The following PARD3B variants were observed in gnomAD, a reference collection of about 807,000 sequenced individuals.
PARD3B encodes partitioning defective 3 homolog B.
Under a neutral mutation model 130.2 loss-of-function variants are expected in PARD3B, and 103 were observed. That is an observed-to-expected ratio of 0.79 (90% CI 0.67 to 0.93). The LOEUF is 0.93. PARD3B is among the 40% of genes least tolerant of loss of function. The pLI, the probability that PARD3B is intolerant of heterozygous loss-of-function variation, is 0.00. For synonymous variants in PARD3B, 583 were observed against 553.2 expected (o/e 1.05, Z -0.76); for missense variants, 1,609 against 1,499.2 (o/e 1.07, Z -1.21).
chr2:205,170,573 G>C (rs1576051250), intron 11 of PARD3B, among the ~76,000 whole-genome samples: 1 of 152,062 alleles, frequency 6.6e-6, no homozygotes, highest in Non-Finnish European at 1.5e-5. Context: ...AGCAGGCGGC[G>C]TGGGCAGTGT....
intron 16 of PARD3B, among the ~76,000 whole-genome samples, chr2:205,261,706 G>A (rs2040319678): frequency 6.6e-6 from 1 of 152,164 alleles, no homozygotes; most frequent in African/African-American, 2.4e-5. Context: ...TCTGTCTAGA[G>A]ATTCTTGTAA....
intron 2 of PARD3B, among the ~76,000 whole-genome samples, chr2:204,940,078 AC>A (rs1214446930): frequency 1.3e-5 from 2 of 152,244 alleles, no homozygotes; most frequent in East Asian, 3.8e-4. Flanking sequence ...AAGAGAGCTT[AC>A]CGGACTCTGG....
intron 2 of PARD3B, among the ~76,000 whole-genome samples, chr2:204,773,970 C>G (rs915903723): frequency 1.3e-5 from 2 of 152,024 alleles, no homozygotes; most frequent in Non-Finnish European, 2.9e-5. Flanking sequence ...ATTTTTCATT[C>G]CTTTTCTCTA....
Position 205,244,151 on chromosome 2 carries a change from C to A in PARD3B, c.2141-1627C>A, listed in dbSNP as rs1469567604. 2.6e-5 allele frequency among the ~76,000 whole-genome samples: 4 copies of A among 152,048 alleles called. No individual in the cohort carries two copies. The highest frequency in any genetic ancestry group is 1.3e-4 in the Admixed American group (2 of 15,272). On this transcript the variant is annotated intron_variant, in intron 15 of 22. Transcript: ENST00000406610. The surrounding 1 kb of genome is among the most constrained non-coding windows in gnomAD (Gnocchi z 4.7). Reference sequence around the variant, plus strand: ...TTTTATCTAGAAAATAAAGAAATAGCTTAGAAAAGGAGGGCTAGGTGGGAG... The same window carrying A: ...TTTTATCTAGAAAATAAAGAAATAGATTAGAAAAGGAGGGCTAGGTGGGAG...
chr2:205,495,291 G>T (rs1309985348), intron 20 of PARD3B, among the ~76,000 whole-genome samples: 1 of 152,184 alleles, frequency 6.6e-6, no homozygotes, highest in African/African-American at 2.4e-5. Context: ...TATACATCAT[G>T]TTATTATACT....
intron 1 of PARD3B, among the ~76,000 whole-genome samples, chr2:204,663,770 A>G (rs1362872839): frequency 6.6e-6 from 1 of 152,248 alleles, no homozygotes; most frequent in Non-Finnish European, 1.5e-5. Flanking sequence ...CTGTGTGGAC[A>G]TAGTAGATAA....
chr2:205,193,895 T>A (rs1336147495), intron 15 of PARD3B, among the ~76,000 whole-genome samples: 1 of 152,178 alleles, frequency 6.6e-6, no homozygotes, highest in Non-Finnish European at 1.5e-5. Context: ...AGGTACCCTG[T>A]GTCCATGCCT....
intron 3 of PARD3B, among the ~76,000 whole-genome samples, chr2:204,966,035 C>T (rs1308036969): frequency 2.0e-5 from 3 of 152,122 alleles, no homozygotes; most frequent in Non-Finnish European, 4.4e-5. Flanking sequence ...GTTTGTGCAA[C>T]ATTTTGAGAC....
At chr2:205,257,672 A>G (rs1262269870) in intron 16 of PARD3B, among the ~76,000 whole-genome samples, 1 of 152,228 alleles carries the variant, frequency 6.6e-6, no homozygotes, top group African/African-American at 2.4e-5. Flanking sequence ...TTTTTCGCAA[A>G]TAAAATTTTT....
chr2:204,937,961 C>T (rs374812514), intron 2 of PARD3B, among the ~76,000 whole-genome samples: 1 of 152,134 alleles, frequency 6.6e-6, no homozygotes, highest in Non-Finnish European at 1.5e-5. Flanking sequence ...TAGTCAAAAT[C>T]GTAAAGAGCA....
At chr2:204,888,791 A>G (rs750161208) in intron 2 of PARD3B, among the ~76,000 whole-genome samples, 4 of 151,838 alleles carry the variant, frequency 2.6e-5, no homozygotes, top group Non-Finnish European at 1.5e-5. Flanking sequence ...AGAAAAGTTC[A>G]TTTTCATGAC....
intron 19 of PARD3B, among the ~76,000 whole-genome samples, chr2:205,425,024 G>A (rs1370790090): frequency 2.0e-5 from 3 of 152,098 alleles, no homozygotes; most frequent in Non-Finnish European, 2.9e-5. Flanking sequence ...TTATCCAACC[G>A]GCAGGGCTCC....
intron 1 of PARD3B, among the ~76,000 whole-genome samples, chr2:204,578,169 A>G (rs1216897935): frequency 6.6e-6 from 1 of 152,204 alleles, no homozygotes; most frequent in Non-Finnish European, 1.5e-5. Context: ...TTTTTCTCTA[A>G]GAGGAATCAA....
At chr2:205,378,717 C>T (rs556903480) in intron 18 of PARD3B, among the ~76,000 whole-genome samples, 13 of 151,662 alleles carry the variant, frequency 8.6e-5, no homozygotes, top group Middle Eastern at 6.8e-3. Flanking sequence ...CTGCAACCTC[C>T]GCCTCCCAGG....
intron 2 of PARD3B, among the ~76,000 whole-genome samples, chr2:204,952,721 AGGCGCGGT>A (rs1395190455): frequency 6.6e-6 from 1 of 152,152 alleles, no homozygotes; most frequent in Non-Finnish European, 1.5e-5. Flanking sequence ...TATCACGGTC[AGGCGCGGT>A]GGCTCACGCC....
chr2:204,570,012 C>T (rs940370379), intron 1 of PARD3B, among the ~76,000 whole-genome samples: 2 of 152,040 alleles, frequency 1.3e-5, no homozygotes, highest in Non-Finnish European at 2.9e-5. Flanking sequence ...AAATTTATAA[C>T]GGGGCTACAA....
intron 1 of PARD3B, among the ~76,000 whole-genome samples, chr2:204,568,849 G>T (rs1042084989): frequency 2.0e-5 from 3 of 151,874 alleles, no homozygotes; most frequent in African/African-American, 7.3e-5. Context: ...CGACTACTCG[G>T]GGGGCTGAGG....
intron 4 of PARD3B, among the ~76,000 whole-genome samples, chr2:205,058,473 A>G (rs144646842): frequency 4.6e-5 from 7 of 151,898 alleles, no homozygotes; most frequent in Non-Finnish European, 7.4e-5. Context: ...GAATTATTGG[A>G]TCATAGGGTT....
At chr2:205,427,225 G>T (rs974869003) in intron 19 of PARD3B, among the ~76,000 whole-genome samples, 1 of 152,194 alleles carries the variant, frequency 6.6e-6, no homozygotes, top group African/African-American at 2.4e-5. Context: ...AAAAGTATAT[G>T]TGTGTTTCTC....
Sources: allele counts gnomAD v4.1 joint callset (sites outside exome capture counted in the v4.1 genomes callset), GRCh38; gene constraint gnomAD v4.1.1; non-coding constraint Gnocchi (gnomAD v3.1); transcripts MANE v1.5; gene names NCBI Gene and HGNC (gene_info 2026-07-23, HGNC 2026-07-21).